Variants in HMCN1 observed in about 807,000 individuals in gnomAD.
The protein encoded by HMCN1 is hemicentin-1.
A neutral mutation model predicts 625.9 loss-of-function variants in HMCN1; 321 were observed. The ratio of observed to expected loss-of-function variants is 0.51; its 90% CI spans 0.47 to 0.56. The LOEUF (loss-of-function observed/expected upper bound fraction) is 0.56. Ranked by LOEUF, HMCN1 falls within the 20% of genes least tolerant of loss-of-function variation. The probability of loss-of-function intolerance (pLI) is 0.00; values close to 1 mark genes in which losing one functional copy is unlikely to be tolerated. For missense variants in HMCN1, 6,588 were observed against 6,887.3 expected (o/e 0.96, Z 1.54); for synonymous variants, 2,425 against 2,417.6 (o/e 1.00, Z -0.09).
intron 64 of HMCN1, among the ~76,000 whole-genome samples, chr1:186,091,522 T>C (rs1041039776): frequency 1.3e-5 from 2 of 152,036 alleles, no homozygotes; most frequent in Non-Finnish European, 2.9e-5. Context: ...GATGCAATAA[T>C]GTCATAACTC....
At chr1:185,912,726 C>G (rs1201707432) in intron 6 of HMCN1, among the ~76,000 whole-genome samples, 1 of 152,120 alleles carries the variant, frequency 6.6e-6, no homozygotes, top group Non-Finnish European at 1.5e-5. Context: ...CAGGTGTCCA[C>G]TGTGGGAACA....
At chr1:186,053,770 A>G in intron 43 of HMCN1, 55 bp from the exon 44 acceptor site, 2 of 1,576,206 alleles carry the variant, frequency 1.3e-6, no homozygotes, top group African/African-American at 2.7e-5. Context: ...TTGGCAATGT[A>G]TACAAAATGC....
chr1:186,135,508 A>C lies in HMCN1; in HGVS notation c.13313-1160A>C, dbSNP rs1237570991. On this transcript the variant is annotated intron_variant, in intron 86 of 106. Transcript: ENST00000271588. ...TCTTTATTCTGAGCTCTAGATATGA[A>C]TATCCCTGTCATGTAGACATCGCTA... Among the ~76,000 whole-genome samples, 3 of 152,232 alleles carry C rather than the reference A, an allele frequency of 2.0e-5. No individual in the cohort carries two copies. In the East Asian group the frequency reaches 5.8e-4, roughly 29 times the overall value.
chr1:185,857,730 T>C (rs976068821), intron 2 of HMCN1, among the ~76,000 whole-genome samples: 2 of 152,172 alleles, frequency 1.3e-5, no homozygotes, highest in African/African-American at 2.4e-5. Flanking sequence ...ACCTCGAATA[T>C]GTCAAGATTG....
intron 53 of HMCN1, 112 bp from the exon 54 acceptor site, chr1:186,076,316 A>G: frequency 1.8e-6 from 2 of 1,089,602 alleles, no homozygotes; most frequent in Non-Finnish European, 2.7e-6. Flanking sequence ...ACTTGAAATT[A>G]TTTCCACATT....
At chr1:185,996,708 T>TA (rs1652811943) in intron 24 of HMCN1, among the ~76,000 whole-genome samples, 2 of 151,840 alleles carry the variant, frequency 1.3e-5, no homozygotes, top group Non-Finnish European at 2.9e-5. Flanking sequence ...GGAAAGGAAA[T>TA]ACTCGGGACA....
intron 1 of HMCN1, among the ~76,000 whole-genome samples, chr1:185,777,838 C>G (rs564544715): frequency 6.6e-6 from 1 of 152,328 alleles, no homozygotes; most frequent in African/African-American, 2.4e-5. Flanking sequence ...AATCTTGCTT[C>G]CATCCTTTTT....
chr1:185,928,633 TACTGGACGGGC>T lies in HMCN1; in HGVS notation c.1521_1531del (p.Gly508AspfsTer4). The T allele has an allele frequency of 6.2e-7, 1 of 1,613,618 alleles. No individual in the cohort carries two copies. Among genetic ancestry groups the T allele is most frequent in the Non-Finnish European group, 8.5e-7 (1 of 1,179,542 alleles). On this transcript the variant is annotated frameshift_variant, in exon 10 of 107. Transcript: ENST00000271588. LOFTEE classifies it high-confidence loss of function. ...AATGCATTGCTGTCAGCAGTGCAGG[TACTGGACGGGC>T]ACAGACATTTTTTGACGTATCAGGT... is the stretch of plus-strand genomic sequence containing the variant.
chr1:185,965,798 T>G lies in HMCN1; in HGVS notation c.2099-4T>G. The G allele has an allele frequency of 6.3e-7, 1 of 1,581,916 alleles. No individual in the cohort carries two copies. The highest frequency in any genetic ancestry group is 8.7e-7 in the Non-Finnish European group (1 of 1,150,850). On this transcript the variant is annotated splice_region_variant and splice_polypyrimidine_tract_variant and intron_variant, in intron 13 of 106. Coordinates refer to ENST00000271588, the MANE Select transcript of HMCN1 (RefSeq NM_031935.3). ...TTGACTATTTGCGTTTTTGTTTTTT[T>G]CAGAAGCCCCTAAGTTGATGGTAGT...
intron 1 of HMCN1, among the ~76,000 whole-genome samples, chr1:185,805,941 C>A (rs549290718): frequency 1.3e-5 from 2 of 152,100 alleles, no homozygotes; most frequent in East Asian, 3.9e-4. Context: ...ATTTTTTTTA[C>A]ATAGAGCTAA....
chr1:185,755,842 C>A (rs1017424520), intron 1 of HMCN1, among the ~76,000 whole-genome samples: 1 of 152,122 alleles, frequency 6.6e-6, no homozygotes, highest in Non-Finnish European at 1.5e-5. Flanking sequence ...AAAGGAGAAC[C>A]AAAGTTCTTT....
At position 186,088,012 on chromosome 1, in the gene HMCN1, T is replaced by C. The variant is rs1161389668; in HGVS notation, c.9444T>C (p.Tyr3148=). The C allele has an allele frequency of 6.2e-7, 1 of 1,612,720 alleles. No individual in the cohort carries two copies. The highest frequency in any genetic ancestry group is 8.5e-7 in the Non-Finnish European group (1 of 1,179,156). Residue 3148 remains tyrosine, a splice_region_variant and synonymous_variant, in exon 61 of 107, where the codon TAT becomes TAC. Transcript: ENST00000271588. ...ATAAAAATTTCCACCTCAATGTATATGGTGAGCATTTGCCTCTAATACAAC... is the reference window on the plus strand; with the variant it reads ...ATAAAAATTTCCACCTCAATGTATACGGTGAGCATTTGCCTCTAATACAAC... The part of the protein sequence containing the change: ...RDDKNFHLNV[Y]VPPSIEGPER...
chr1:185,911,106 G>A (rs1413938655), intron 5 of HMCN1, among the ~76,000 whole-genome samples: 2 of 152,094 alleles, frequency 1.3e-5, no homozygotes, highest in East Asian at 1.9e-4. Flanking sequence ...ATGGGAAACC[G>A]GTTAAGGTTT....
intron 54 of HMCN1, among the ~76,000 whole-genome samples, chr1:186,077,021 A>G (rs1473560279): frequency 1.3e-5 from 2 of 152,162 alleles, no homozygotes; most frequent in East Asian, 3.8e-4. Context: ...AGGGAAGATT[A>G]TTAGTTTCAA....
chr1:186,185,142 A>T (rs1315395567), intron 105 of HMCN1, among the ~76,000 whole-genome samples: 1 of 152,200 alleles, frequency 6.6e-6, no homozygotes, highest in Non-Finnish European at 1.5e-5. Flanking sequence ...ACCCAATGAA[A>T]ATATATCATA....
At chr1:186,016,805 T>A (rs1011641332) in intron 32 of HMCN1, among the ~76,000 whole-genome samples, 158 bp from the exon 33 acceptor site, 9 of 152,084 alleles carry the variant, frequency 5.9e-5, no homozygotes, top group Non-Finnish European at 1.2e-4. Flanking sequence ...AAGGCTTTAT[T>A]GTAAAATGTA....
chr1:185,930,907 T>TACAC (rs3030426), intron 10 of HMCN1, among the ~76,000 whole-genome samples: 13,077 of 138,936 alleles, frequency 0.094, 714 homozygotes, highest in Admixed American at 0.15. Context: ...TTTCACCCAA[T>TACAC]ACACACACAC....
At chr1:186,144,978 C>T (rs1231399128) in intron 91 of HMCN1, among the ~76,000 whole-genome samples, 1 of 152,224 alleles carries the variant, frequency 6.6e-6, no homozygotes, top group Admixed American at 6.5e-5. Context: ...ATGATGCTTA[C>T]AGTTCTTTTA....
At position 186,187,831 on chromosome 1, in the gene HMCN1, G is replaced by A. The variant is rs141642775; in HGVS notation, c.16415-52G>A. 58 of 1,611,468 alleles carry A rather than the reference G, an allele frequency of 3.6e-5. No homozygotes were observed. In the Middle Eastern group the frequency reaches 5.0e-4, roughly 14 times the overall value. ...CACATCTACAGTGCCTGCTCTGATG[G>A]CCTTCTCTCACCCTCACTGCTGATG... is the stretch of plus-strand genomic sequence containing the variant. On this transcript the variant is annotated intron_variant, in intron 105 of 106. Coordinates refer to ENST00000271588, the MANE Select transcript of HMCN1 (RefSeq NM_031935.3).
Sources: gnomAD v4.1 joint callset for allele counts (sites outside exome capture counted in the v4.1 genomes callset) on GRCh38, gnomAD v4.1.1 for gene constraint, MANE v1.5 for transcripts, NCBI Gene and HGNC (gene_info 2026-07-23, HGNC 2026-07-21) for gene names.